Variants in NFIX observed in about 807,000 individuals in gnomAD.
NFIX encodes nuclear factor 1 X-type.
NFIX carries 2 observed loss-of-function variants against 53.3 expected under a neutral mutation model. That is an observed-to-expected ratio of 0.04 (90% confidence interval 0.02 to 0.12). NFIX has a LOEUF of 0.12. Ranked by LOEUF, NFIX falls within the 10% of genes least tolerant of loss-of-function variation. The pLI is 1.00. For synonymous variants in NFIX, 244 were observed against 289.0 expected, an observed-to-expected ratio of 0.84 and a Z score of 1.58; for missense variants, 310 against 674.5, an observed-to-expected ratio of 0.46 and a Z score of 5.99.
At chr19:13,020,687 G>A (rs1171027993) in intron 1 of NFIX, among the ~76,000 whole-genome samples, 2 of 152,100 alleles carry the variant, frequency 1.3e-5, no homozygotes, top group Admixed American at 6.6e-5. Flanking sequence ...GGGTGCTTGG[G>A]GCTCTTTGTA....
chr19:13,009,543 C>T lies in NFIX; in HGVS notation c.27+13679C>T, dbSNP rs1161294887. On this transcript the variant is annotated intron_variant, in intron 1 of 10. Coordinates refer to ENST00000592199, the MANE Select transcript of NFIX (RefSeq NM_001365902.3). This position sits in a 1 kb window ranked among gnomAD's most constrained non-coding sequence, Gnocchi z 4.7. ...CCCTTCTGGCCACCTGAGGCTCCTC[C>T]TTCTGGCCTTCCCATGGGAATTCCC... 6.6e-6 allele frequency among the ~76,000 whole-genome samples: 1 copy of T among 152,224 alleles called. No individual in the cohort carries two copies. The highest frequency in any genetic ancestry group is 1.5e-5 in the Non-Finnish European group (1 of 68,038).
At chr19:13,017,071 C>T (rs1398449899) in intron 1 of NFIX, among the ~76,000 whole-genome samples, 2 of 152,132 alleles carry the variant, frequency 1.3e-5, no homozygotes, top group Non-Finnish European at 2.9e-5. Context: ...TTGGGTCTGT[C>T]GCCCACAGTT....
intron 2 of NFIX, among the ~76,000 whole-genome samples, chr19:13,054,379 C>T (rs117712228): frequency 0.029 from 4,441 of 152,294 alleles, 76 homozygotes; most frequent in Middle Eastern, 0.082. Flanking sequence ...TCCTGCTTGC[C>T]GCAGAGTGGA....
chr19:13,090,247 G>A lies in NFIX; in HGVS notation c.1403-52G>A, dbSNP rs1248684501. On this transcript the variant is annotated intron_variant, in intron 9 of 10. Transcript: ENST00000592199. The surrounding 1 kb of genome is among the most constrained non-coding windows in gnomAD (Gnocchi z 6.6). ...AGCAGCCCCGAGGGGCAGTGCCCAG[G>A]TGGGCCCCAAGGCCTGACAGGGTCT... 1 of 1,560,356 alleles carries A rather than the reference G, an allele frequency of 6.4e-7. No individual in the cohort carries two copies. The highest frequency in any genetic ancestry group is 8.8e-7 in the Non-Finnish European group (1 of 1,131,370).
At chr19:13,023,641 TTTTTA>T (rs2013092921) in intron 1 of NFIX, among the ~76,000 whole-genome samples, 2 of 148,190 alleles carry the variant, frequency 1.3e-5, no homozygotes, top group South Asian at 2.2e-4. Flanking sequence ...TTTTTTTTTT[TTTTTA>T]AACTGGAAGA....
chr19:13,042,355 C>CTTTTTTTT (rs35785662), intron 2 of NFIX, among the ~76,000 whole-genome samples: 1 of 100,574 alleles, frequency 9.9e-6, no homozygotes, highest in Admixed American at 1.4e-4. Context: ...CTTTTACATG[C>CTTTTTTTT]TTTTTTTTTT....
intron 2 of NFIX, among the ~76,000 whole-genome samples, chr19:13,029,626 T>G (rs531626060): frequency 5.2e-4 from 79 of 152,226 alleles, no homozygotes; most frequent in African/African-American, 1.9e-3. Context: ...CCCGAGTGAT[T>G]CAGTGAGTGT....
rs1031379222 is a variant in NFIX, at chr19:13,060,490, G to A, written c.560-12557G>A. On this transcript the variant is annotated intron_variant, in intron 2 of 10. Transcript: ENST00000592199. This position sits in a 1 kb window ranked among gnomAD's most constrained non-coding sequence, Gnocchi z 4.3. ...CAACTTTGTGGGGCGCCTGCTGTGT[G>A]CAGAATCTACCCCGAAACCTATAGC... Among the ~76,000 whole-genome samples the A allele has an allele frequency of 6.6e-5, 10 of 152,234 alleles. No individual in the cohort carries two copies. The highest frequency in any genetic ancestry group is 2.4e-4 in the African/African-American group (10 of 41,464).
rs780083780 is a variant in NFIX, at chr19:13,078,767, T to C, written c.1078+32T>C. 6.5e-5 allele frequency: 103 copies of C among 1,573,526 alleles called. 1 individual carries two copies. The highest frequency in any genetic ancestry group is 2.4e-4 in the African/African-American group (16 of 65,514). On this transcript the variant is annotated intron_variant, in intron 7 of 10. Coordinates refer to ENST00000592199, the MANE Select transcript of NFIX (RefSeq NM_001365902.3). This position sits in a 1 kb window ranked among gnomAD's most constrained non-coding sequence, Gnocchi z 4.7. ...AATGGGGGGCCCCGGAGGGGGGCAG[T>C]TGGGGAGGTGGCTGAGTATCTAGGG...
At chr19:13,058,256 G>A (rs1466720923) in intron 2 of NFIX, among the ~76,000 whole-genome samples, 1 of 152,112 alleles carries the variant, frequency 6.6e-6, no homozygotes, top group Non-Finnish European at 1.5e-5. Flanking sequence ...CCTCAGGAAA[G>A]CCCTCACCTC....
rs1002891746 is a variant in NFIX at position 13,002,272 on chromosome 19, C to T, written c.27+6408C>T. ...CTCCCTCTCTCCCTCTCTCTCTCCT[C>T]CTGCCAAACGCGTCTTGGCTCCGTC... On this transcript the variant is annotated intron_variant, in intron 1 of 10. Transcript: ENST00000592199. The surrounding 1 kb of genome is among the most constrained non-coding windows in gnomAD (Gnocchi z 6.1). Among the ~76,000 whole-genome samples the T allele has an allele frequency of 1.3e-5, 2 of 151,982 alleles. No individual in the cohort carries two copies. Among genetic ancestry groups the T allele is most frequent in the African/African-American group, 4.8e-5 (2 of 41,348 alleles).
In NFIX at chr19:13,001,500, C is replaced by T. The variant is rs1401339255; in HGVS notation, c.27+5636C>T. On this transcript the variant is annotated intron_variant, in intron 1 of 10. Transcript: ENST00000592199. The surrounding 1 kb of genome is among the most constrained non-coding windows in gnomAD (Gnocchi z 6.5). ...CGGGTATTGGTGTACCGGTCACCATCTTTGTATCTGCGCTTTGTATCTGGG... is the reference window on the plus strand; with the variant it reads ...CGGGTATTGGTGTACCGGTCACCATTTTTGTATCTGCGCTTTGTATCTGGG... Among the ~76,000 whole-genome samples, 3 of 152,152 alleles carry T rather than the reference C, an allele frequency of 2.0e-5. No homozygotes were observed. The highest frequency in any genetic ancestry group is 7.2e-5 in the African/African-American group (3 of 41,420).
Position 13,073,785 on chromosome 19 carries a change from C to A in NFIX, c.698-121C>A. On this transcript the variant is annotated intron_variant, in intron 4 of 10. Coordinates refer to ENST00000592199, the MANE Select transcript of NFIX (RefSeq NM_001365902.3). This position sits in a 1 kb window ranked among gnomAD's most constrained non-coding sequence, Gnocchi z 4.5. ...AGCAGCCCAGATGGCCCACTTTCTC[C>A]CATCTCCTGGCCCCACAGTAAACTC... The A allele has an allele frequency of 7.3e-7, 1 of 1,362,320 alleles. No individual in the cohort carries two copies. The highest frequency in any genetic ancestry group is 1.0e-6 in the Non-Finnish European group (1 of 985,334). 84.4% of individuals were successfully genotyped at this position (1,362,320 alleles called of 1,614,324 possible).
chr19:13,032,719 G>A (rs1339910997), intron 2 of NFIX, among the ~76,000 whole-genome samples: 2 of 152,156 alleles, frequency 1.3e-5, no homozygotes, highest in African/African-American at 2.4e-5. Flanking sequence ...CCCACAGCTT[G>A]TTTTGGACTT....
intron 1 of NFIX, among the ~76,000 whole-genome samples, chr19:13,010,131 C>G (rs1384665773): frequency 6.6e-6 from 1 of 152,208 alleles, no homozygotes; most frequent in Non-Finnish European, 1.5e-5. Context: ...CCTGGGGCTT[C>G]CCCCATTGGA....
chr19:13,078,880 A>T lies in NFIX; in HGVS notation c.1078+145A>T. 3 of 1,011,634 alleles carry T rather than the reference A, an allele frequency of 3.0e-6. No homozygotes were observed. Among genetic ancestry groups the T allele is most frequent in the Non-Finnish European group, 4.2e-6 (3 of 715,806 alleles). The allele number at this position is 1,011,634 out of a possible 1,614,324, so 62.7% of individuals were successfully genotyped here. On this transcript the variant is annotated intron_variant, in intron 7 of 10. Coordinates refer to ENST00000592199, the MANE Select transcript of NFIX (RefSeq NM_001365902.3). The surrounding 1 kb of genome is among the most constrained non-coding windows in gnomAD (Gnocchi z 4.7). ...GGCCAAGGTGCAGCAGCGGGTGGGC[A>T]TGGGAGCCGGCCCCTGCTTCACGTA...
At chr19:13,074,974 G>A (rs1469024127) in intron 5 of NFIX, among the ~76,000 whole-genome samples, 5 of 143,398 alleles carry the variant, frequency 3.5e-5, no homozygotes, top group African/African-American at 1.1e-4. Flanking sequence ...GGAGGCTGAG[G>A]CAGGAGAAAG....
intron 2 of NFIX, among the ~76,000 whole-genome samples, chr19:13,061,600 C>A (rs887086059): frequency 3.3e-5 from 5 of 152,172 alleles, no homozygotes; most frequent in African/African-American, 1.2e-4. Context: ...GCGTCGCTTC[C>A]TGAGCCGCGC....
intron 1 of NFIX, 49 bp downstream of exon 1, chr19:12,995,913 A>AGGCC: frequency 1.1e-6 from 1 of 900,218 alleles, no homozygotes; most frequent in Non-Finnish European, 1.3e-6. Flanking sequence ...CGGGCGCGGG[A>AGGCC]GGCCGGCCGG....
Sources: gnomAD v4.1 joint callset for allele counts (sites outside exome capture counted in the v4.1 genomes callset) on GRCh38, gnomAD v4.1.1 for gene constraint, Gnocchi (gnomAD v3.1) non-coding constraint, MANE v1.5 for transcripts, NCBI Gene and HGNC (gene_info 2026-07-23, HGNC 2026-07-21) for gene names.